Variants in SSX1 observed in about 807,000 individuals in gnomAD.
The protein encoded by SSX1 is protein SSX1.
A neutral mutation model predicts 14.6 loss-of-function variants in SSX1; 58 were observed. The ratio of observed to expected loss-of-function variants is 3.96; its 90% CI spans 3.21 to 4.93. The LOEUF (loss-of-function observed/expected upper bound fraction) is 4.93, where lower values mean the gene tolerates loss of function less well. Ranked by LOEUF, SSX1 falls within the 30% of genes most tolerant of loss-of-function variation. SSX1 has a pLI of 0.00. For missense variants in SSX1, 272 were observed against 143.1 expected (o/e 1.90, Z -4.60); for synonymous variants, 46 against 52.1 (o/e 0.88, Z 0.50).
intron 1 of SSX1, among the ~76,000 whole-genome samples, chrX:48,256,262 G>A (rs1183787176): frequency 5.8e-5 from 6 of 103,055 alleles, no homozygotes; most frequent in Non-Finnish European, 9.9e-5. Context: ...CCTCGGCCTC[G>A]GAACTACAGG....
At position 48,257,256 on chromosome X, in the gene SSX1, C is replaced by T. The variant is rs781813183; in HGVS notation, c.15C>T (p.Asp5=). 7.4e-6 allele frequency: 9 copies of T among 1,209,261 alleles called. No individual in the cohort carries two copies. The African/African-American group carries it at 1.4e-4, about 19-fold the overall frequency. The part of the protein sequence containing the change: MNGD[D]TFAKRPRDDA... Reference sequence around the variant, plus strand: ...CTCCTGGTGCCATGAACGGAGACGACACCTTTGCAAAGAGACCCAGGGATG... The same window carrying T: ...CTCCTGGTGCCATGAACGGAGACGATACCTTTGCAAAGAGACCCAGGGATG... The change falls in exon 2 of 8, where the codon GAC becomes GAT. Residue 5 remains aspartate, a synonymous_variant. Coordinates refer to ENST00000376919, the MANE Select transcript of SSX1 (RefSeq NM_005635.4).
chrX:48,257,439 G>A, intron 2 of SSX1, 129 bp downstream of exon 2: 1 of 1,167,772 alleles, frequency 8.6e-7, no homozygotes, highest in Admixed American at 2.5e-5. Context: ...GGACCCTTGG[G>A]AGCCTCCCAC....
In SSX1 at chrX:48,261,762, T is replaced by A; in HGVS notation, c.281-4T>A. 1 of 1,211,078 alleles carries A rather than the reference T, an allele frequency of 8.3e-7. No individual in the cohort carries two copies. The highest frequency in any genetic ancestry group is 1.1e-6 in the Non-Finnish European group (1 of 894,829). On this transcript the variant is annotated splice_polypyrimidine_tract_variant and splice_region_variant and intron_variant, in intron 4 of 7. Coordinates refer to ENST00000376919, the MANE Select transcript of SSX1 (RefSeq NM_005635.4). ...AAGAAAAATTCTGATGTGTTCTCTT[T>A]CAGTTGAACATCCTCAGATGACTTT...
chrX:48,261,620 CAT>C (rs1320245123), intron 4 of SSX1, 144 bp from the exon 5 acceptor site: 19 of 657,046 alleles, frequency 2.9e-5, no homozygotes. Flanking sequence ...CATGACTAAA[CAT>C]AATTCAGAAG....
intron 6 of SSX1, 74 bp downstream of exon 6, chrX:48,263,991 G>A (rs1375739104): frequency 1.0e-4 from 118 of 1,164,664 alleles, no homozygotes; most frequent in Non-Finnish European, 1.3e-4. Flanking sequence ...TGGGTGTGTG[G>A]CATGGATCCC....
At chrX:48,258,662 T>A (rs1556934978) in intron 4 of SSX1, 31 bp downstream of exon 4, 1 of 1,079,120 alleles carries the variant, frequency 9.3e-7, no homozygotes, top group Non-Finnish European at 1.3e-6. Context: ...TGGAAAGGTC[T>A]CCTGAAGCCC....
chrX:48,257,993 C>T (rs1556934767), intron 3 of SSX1, 133 bp downstream of exon 3: 1 of 466,649 alleles, frequency 2.1e-6, no homozygotes, highest in Non-Finnish European at 3.7e-6. Context: ...AAGGCAGCTT[C>T]TGGGGGTTCT....
At chrX:48,256,455 G>GTTTTTTTTTTTTTTTT (rs1190862256) in intron 1 of SSX1, among the ~76,000 whole-genome samples, 2 of 31,163 alleles carry the variant, frequency 6.4e-5, no homozygotes, top group East Asian at 8.4e-4. Flanking sequence ...TTGTGTGGTT[G>GTTTTTTTTTTTTTTTT]TTTTTTTTTT....
At chrX:48,260,911 C>G (rs2059601674) in intron 4 of SSX1, among the ~76,000 whole-genome samples, 1 of 111,812 alleles carries the variant, frequency 8.9e-6, no homozygotes. Context: ...ATAAAGATTG[C>G]TGTTTCTCCA....
rs189891533 is a variant in SSX1 at position 48,264,883 on chromosome X, T to C, written c.466+966T>C. On this transcript the variant is annotated intron_variant, in intron 6 of 7. Coordinates refer to ENST00000376919, the MANE Select transcript of SSX1 (RefSeq NM_005635.4). ...TTCATCAGTGATCTTAGCTAGATCT[T>C]CTGGATAACTTGCTGCAGCTTCTCC... Among the ~76,000 whole-genome samples the C allele has an allele frequency of 2.7e-5, 3 of 112,925 alleles. No homozygotes were observed. The East Asian group carries it at 8.3e-4, about 31-fold the overall frequency.
chrX:48,259,786 A>C (rs1208540991), intron 4 of SSX1, among the ~76,000 whole-genome samples: 18 of 107,997 alleles, frequency 1.7e-4, no homozygotes, highest in Non-Finnish European at 9.6e-5. Flanking sequence ...TGAACTCATC[A>C]TTTTTTATGG....
intron 7 of SSX1, 66 bp from the exon 8 acceptor site, chrX:48,266,788 T>A: frequency 4.2e-6 from 3 of 719,257 alleles, no homozygotes; most frequent in Non-Finnish European, 6.4e-6. Flanking sequence ...CAGGAGGAGT[T>A]GAGGTTGAGT....
rs2059614023 is a variant in SSX1, at chrX:48,263,890, A to G, written c.439A>G (p.Ile147Val). 8.3e-7 allele frequency: 1 copy of G among 1,211,135 alleles called. No individual in the cohort carries two copies. Residue 147 changes from isoleucine to valine, a missense_variant, in exon 6 of 8, where the codon ATT becomes GTT. Coordinates refer to ENST00000376919, the MANE Select transcript of SSX1 (RefSeq NM_005635.4). ...KQLHPPGKAN[I>V]SEKINKRSGP... ...ACTGCACCCCCCAGGAAAAGCAAAT[A>G]TTTCTGAGAAGATTAATAAGAGATC...
chrX:48,256,571 G>A (rs1296272533), intron 1 of SSX1, among the ~76,000 whole-genome samples: 1 of 106,156 alleles, frequency 9.4e-6, no homozygotes, highest in Non-Finnish European at 1.9e-5. Flanking sequence ...AAAATGCTGG[G>A]ATTACAGGCA....
At chrX:48,265,530 ATTACGTTCGTTATC>A (rs143697011) in intron 6 of SSX1, among the ~76,000 whole-genome samples, 42,028 of 109,919 alleles carry the variant, frequency 0.38, 6,202 homozygotes, top group Non-Finnish European at 0.46. Flanking sequence ...ACATTGATCA[ATTACGTTCGTTATC>A]TTCTCTAGGT....
intron 2 of SSX1, 45 bp from the exon 3 acceptor site, chrX:48,257,701 C>G: frequency 8.6e-7 from 1 of 1,165,263 alleles, no homozygotes. Context: ...GAATGGCAGA[C>G]ATACCTAGCT....
chrX:48,257,283 T>C lies in SSX1; in HGVS notation c.42T>C (p.Asp14=), dbSNP rs782249847. Residue 14 remains aspartate, a synonymous_variant, in exon 2 of 8, where the codon GAT becomes GAC. Transcript: ENST00000376919. The part of the protein sequence containing the change: ...DDTFAKRPRD[D]AKASEKRSKA... The stretch of plus-strand genomic sequence containing the variant: ...CCTTTGCAAAGAGACCCAGGGATGA[T>C]GCTAAAGCATCAGAGAAGAGAAGCA... 1.6e-5 allele frequency: 19 copies of C among 1,209,010 alleles called. No individual in the cohort carries two copies. Among genetic ancestry groups the C allele is most frequent in the Non-Finnish European group, 1.9e-5 (17 of 894,659 alleles).
rs782046307 is a variant in SSX1 at position 48,261,433 on chromosome X, A to C, written c.281-333A>C. On this transcript the variant is annotated intron_variant, in intron 4 of 7. Transcript: ENST00000376919. Reference sequence around the variant, plus strand: ...CCATTTGAAGTGTACAGTGATTTTTAGTTGTTGCACATCTTGAGTGATTAC... The same window carrying C: ...CCATTTGAAGTGTACAGTGATTTTTCGTTGTTGCACATCTTGAGTGATTAC... Among the ~76,000 whole-genome samples, 4 of 112,505 alleles carry C rather than the reference A, an allele frequency of 3.6e-5. No homozygotes were observed. In the South Asian group the frequency reaches 1.5e-3, roughly 42 times the overall value.
At position 48,257,423 on chromosome X, in the gene SSX1, A is replaced by G. The variant is rs1300231777; in HGVS notation, c.69+113A>G. Reference sequence around the variant, plus strand: ...GGGACAAGGAGCAGGGTCTCGGGGGAGATCTGGACCCTTGGGAGCCTCCCA... The same window carrying G: ...GGGACAAGGAGCAGGGTCTCGGGGGGGATCTGGACCCTTGGGAGCCTCCCA... On this transcript the variant is annotated intron_variant, in intron 2 of 7. Transcript: ENST00000376919. 7.0e-4 allele frequency: 815 copies of G among 1,163,492 alleles called. 1 individual carries two copies. Among genetic ancestry groups the G allele is most frequent in the Non-Finnish European group, 7.9e-4 (686 of 872,101 alleles).
Sources: allele counts gnomAD v4.1 joint callset (sites outside exome capture counted in the v4.1 genomes callset), GRCh38; gene constraint gnomAD v4.1.1; transcripts MANE v1.5; gene names NCBI Gene and HGNC (gene_info 2026-07-23, HGNC 2026-07-21).